The following NRG1 variants were observed in gnomAD, a reference collection of about 807,000 sequenced individuals.
NRG1 encodes pro-neuregulin-1, membrane-bound isoform.
NRG1 carries 18 observed loss-of-function variants against 63.8 expected under a neutral mutation model. The ratio of observed to expected loss-of-function variants is 0.28; its 90% confidence interval spans 0.19 to 0.42. The LOEUF is 0.42. Among genes scored for constraint, NRG1 ranks in the 10% least tolerant of loss-of-function variants. The pLI is 1.00. For missense variants in NRG1, 762 were observed against 814.7 expected (o/e 0.94, Z 0.79); for synonymous variants, 302 against 301.3 (o/e 1.00, Z -0.02).
intron 1 of NRG1, chr8:32,029,471 G>T (rs1271158671): frequency 6.6e-6 from 1 of 152,202 alleles, no homozygotes; most frequent in Non-Finnish European, 1.5e-5. Context: ...TGGAAATGAG[G>T]TGCAGAAATT....
At chr8:32,157,809 G>A in intron 1 of NRG1, among the ~76,000 whole-genome samples, 1 of 151,850 alleles carries the variant, frequency 6.6e-6, no homozygotes, top group East Asian at 1.9e-4. Flanking sequence ...TAAGAGAGAA[G>A]TCAGTAAAAC....
chr8:31,941,957 A>C (rs1374352768), intron 1 of NRG1, among the ~76,000 whole-genome samples: 2 of 152,146 alleles, frequency 1.3e-5, no homozygotes, highest in Non-Finnish European at 2.9e-5. Flanking sequence ...GAAAATGACC[A>C]TACTGCCAAA....
intron 1 of NRG1, among the ~76,000 whole-genome samples, chr8:31,997,485 C>T (rs1812201078): frequency 6.6e-6 from 1 of 151,972 alleles, no homozygotes; most frequent in African/African-American, 2.4e-5. Flanking sequence ...CATTATATTT[C>T]ATAAAGCTCT....
intron 1 of NRG1, among the ~76,000 whole-genome samples, chr8:32,426,024 A>C (rs1817318442): frequency 6.6e-6 from 1 of 152,170 alleles, no homozygotes. Flanking sequence ...GCTATAAAGA[A>C]ACATAAAGGT....
Position 32,150,416 on chromosome 8 carries a change from G to T in NRG1, c.38-445412G>T, listed in dbSNP as rs140442727. 4.6e-3 allele frequency among the ~76,000 whole-genome samples: 708 copies of T among 152,284 alleles called. 3 individuals are homozygous for T. The highest frequency in any genetic ancestry group is 0.016 in the African/African-American group (668 of 41,558). On this transcript the variant is annotated intron_variant, in intron 1 of 10. Coordinates refer to the NRG1 transcript ENST00000519301. ...CAAGAGATAAGGTCTTTGGGGAACT[G>T]ATTAAGTCATGAGGGGTTCTCCATA... is the stretch of plus-strand genomic sequence containing the variant.
intron 1 of NRG1, among the ~76,000 whole-genome samples, chr8:32,122,615 T>TA (rs1186601119): frequency 1.5e-4 from 22 of 151,156 alleles, no homozygotes; most frequent in Non-Finnish European, 1.5e-5. Flanking sequence ...GTTAAGAACT[T>TA]TTTATTATTA....
chr8:32,049,207 G>T (rs866330941), intron 1 of NRG1, among the ~76,000 whole-genome samples: 1 of 152,114 alleles, frequency 6.6e-6, no homozygotes, highest in Non-Finnish European at 1.5e-5. Flanking sequence ...CCTGAGAAAT[G>T]GATTATTCAT....
At chr8:32,421,913 C>T (rs942202005) in intron 1 of NRG1, among the ~76,000 whole-genome samples, 12 of 152,100 alleles carry the variant, frequency 7.9e-5, no homozygotes, top group Admixed American at 1.3e-4. Flanking sequence ...CATCTTCTCA[C>T]TTATAAATAG....
intron 1 of NRG1, among the ~76,000 whole-genome samples, chr8:31,915,087 G>A (rs1165604374): frequency 1.3e-5 from 2 of 150,372 alleles, no homozygotes; most frequent in Non-Finnish European, 3.0e-5. Context: ...TTTTTACAAA[G>A]TAGCTTAAAG....
intron 1 of NRG1, among the ~76,000 whole-genome samples, chr8:32,249,244 A>G (rs973111376): frequency 6.6e-6 from 1 of 152,094 alleles, no homozygotes; most frequent in African/African-American, 2.4e-5. Flanking sequence ...CTGAAATTGT[A>G]GGTGCATGCC....
At chr8:32,718,546 A>C (rs749826131) in intron 5 of NRG1, among the ~76,000 whole-genome samples, 1 of 152,154 alleles carries the variant, frequency 6.6e-6, no homozygotes, top group Non-Finnish European at 1.5e-5. Flanking sequence ...CATGGCCTAC[A>C]TATTAAACAT....
chr8:32,768,564 G>T (rs906544188), downstream of NRG1, among the ~76,000 whole-genome samples: 2 of 152,204 alleles, frequency 1.3e-5, no homozygotes, highest in African/African-American at 4.8e-5. Context: ...TCAAACTCAT[G>T]TCTATCTAAC....
At chr8:32,059,008 CATT>C (rs1823419940) in intron 1 of NRG1, among the ~76,000 whole-genome samples, 5 of 152,064 alleles carry the variant, frequency 3.3e-5, no homozygotes, top group Admixed American at 2.0e-4. Context: ...ACAGTATTAA[CATT>C]ATTATGGCCA....
intron 1 of NRG1, among the ~76,000 whole-genome samples, chr8:32,475,268 C>T (rs1279808273): frequency 6.6e-6 from 1 of 151,724 alleles, no homozygotes; most frequent in Admixed American, 6.6e-5. Context: ...AGATCGAGAC[C>T]ATCCTGGCCA....
intron 1 of NRG1, among the ~76,000 whole-genome samples, chr8:31,957,187 A>G (rs1399537125): frequency 1.4e-5 from 1 of 71,820 alleles, no homozygotes; most frequent in Non-Finnish European, 2.7e-5. Flanking sequence ...TTCAAATCAA[A>G]GAGTTTTTTT....
At chr8:31,939,706 TTAAGA>T (rs1191343257) in intron 1 of NRG1, among the ~76,000 whole-genome samples, 1 of 152,006 alleles carries the variant, frequency 6.6e-6, no homozygotes, top group Non-Finnish European at 1.5e-5. Flanking sequence ...TCACATCAAC[TTAAGA>T]TAAAGGGGTA....
chr8:32,048,847 T>C (rs1468838835), intron 1 of NRG1, among the ~76,000 whole-genome samples: 2 of 151,978 alleles, frequency 1.3e-5, no homozygotes, highest in Non-Finnish European at 2.9e-5. Context: ...TTGAGTTCCT[T>C]ATATATTTTG....
chr8:31,916,722 T>A (rs1042102193), intron 1 of NRG1, among the ~76,000 whole-genome samples: 6 of 152,144 alleles, frequency 3.9e-5, no homozygotes, highest in Non-Finnish European at 5.9e-5. Context: ...ATATACCCAG[T>A]AATGGGATGG....
At chr8:31,648,882 C>T (rs1804565246) in intron 1 of NRG1, among the ~76,000 whole-genome samples, 1 of 152,130 alleles carries the variant, frequency 6.6e-6, no homozygotes, top group Non-Finnish European at 1.5e-5. Flanking sequence ...TTCTCAAATC[C>T]CTGCTTTCAA....
Sources: allele counts gnomAD v4.1 joint callset (sites outside exome capture counted in the v4.1 genomes callset), GRCh38; gene constraint gnomAD v4.1.1; transcripts MANE v1.5; gene names NCBI Gene and HGNC (gene_info 2026-07-23, HGNC 2026-07-21).